CHFR: variants seen among roughly 807,000 people sequenced by gnomAD.
CHFR encodes the protein E3 ubiquitin-protein ligase CHFR.
In CHFR, 57 loss-of-function variants were observed where a neutral mutation model predicts 87.6. The observed-to-expected ratio is 0.65, with a 90% CI of 0.53 to 0.81. The LOEUF (loss-of-function observed/expected upper bound fraction) is 0.81. Among genes scored for constraint, CHFR ranks in the 30% least tolerant of loss-of-function variants. The pLI, the probability that CHFR is intolerant of heterozygous loss-of-function variation, is 0.00. For synonymous variants in CHFR, 381 were observed against 359.2 expected, an observed-to-expected ratio of 1.06 and a Z score of -0.69; for missense variants, 797 against 865.8, an observed-to-expected ratio of 0.92 and a Z score of 1.00.
chr12:132,884,865 T>C (rs1014382391), intron 2 of CHFR, among the ~76,000 whole-genome samples: 3 of 152,228 alleles, frequency 2.0e-5, no homozygotes, highest in Non-Finnish European at 2.9e-5. Context: ...GGCAGACAGA[T>C]TGCTGGAGCT....
At chr12:132,858,791 A>C (rs2136972401) in intron 8 of CHFR, among the ~76,000 whole-genome samples, 1 of 150,862 alleles carries the variant, frequency 6.6e-6, no homozygotes, top group East Asian at 1.9e-4. Context: ...AAAAAAAAAA[A>C]AAGTCAGCCA....
Position 132,839,928 on chromosome 12 carries a change from T to C in CHFR, c.*1626A>G, listed in dbSNP as rs74997048. ...CTGCACAAACTTGGGACCTCCCCCT[T>C]AGCCTCGCCCCTGCACTAACTCGGG... is the stretch of plus-strand genomic sequence containing the variant. On this transcript the variant is annotated 3_prime_UTR_variant, in exon 18 of 18. Coordinates refer to ENST00000450056, the MANE Select transcript of CHFR (RefSeq NM_001161346.2). The C allele has an allele frequency of 0.094, 1,367 of 14,564 alleles. 11 individuals are homozygous for C. Among genetic ancestry groups the C allele is most frequent in the Admixed American group, 0.13 (152 of 1,140 alleles). The allele number at this position is 14,564 out of a possible 1,614,324, so 0.9% of individuals were successfully genotyped here.
intron 15 of CHFR, among the ~76,000 whole-genome samples, chr12:132,846,549 C>T (rs1353156740): frequency 3.6e-5 from 4 of 110,234 alleles, no homozygotes; most frequent in Non-Finnish European, 6.7e-5. Flanking sequence ...GGATTACAGG[C>T]GTGAGCCACC....
chr12:132,881,380 T>C (rs769166050), intron 2 of CHFR, among the ~76,000 whole-genome samples: 6 of 152,318 alleles, frequency 3.9e-5, no homozygotes, highest in Non-Finnish European at 5.9e-5. Context: ...GTATCCAGAA[T>C]GTATAGAGAA....
At chr12:132,883,451 C>T (rs755177767) in intron 2 of CHFR, among the ~76,000 whole-genome samples, 4 of 142,406 alleles carry the variant, frequency 2.8e-5, no homozygotes, top group African/African-American at 7.5e-5. Flanking sequence ...AAAGACTGGG[C>T]GCAGTGGCTC....
chr12:132,841,490 C>T lies in CHFR; in HGVS notation c.*64G>A. 1 of 1,414,274 alleles carries T rather than the reference C, an allele frequency of 7.1e-7. No homozygotes were observed. The highest frequency in any genetic ancestry group is 1.0e-6 in the Non-Finnish European group (1 of 998,196). 87.6% of individuals were successfully genotyped at this position (1,414,274 alleles called of 1,614,324 possible). The stretch of plus-strand genomic sequence containing the variant: ...TGAAAACACCTTGACGTGCTTGTCT[C>T]TGTATTTTAAAAACACGCTCTCTTC... On this transcript the variant is annotated 3_prime_UTR_variant, in exon 18 of 18. Coordinates refer to ENST00000450056, the MANE Select transcript of CHFR (RefSeq NM_001161346.2).
At chr12:132,847,570 C>A (rs1950856399) in intron 14 of CHFR, 1 of 1,062,468 alleles carries the variant, frequency 9.4e-7, no homozygotes, top group Non-Finnish European at 1.1e-6. Flanking sequence ...TGAGCGGGCG[C>A]CTGCCAGGTG....
chr12:132,839,497 G>A lies in CHFR; in HGVS notation c.*2057C>T, dbSNP rs1478755130. 5 of 104,636 alleles carry A rather than the reference G, an allele frequency of 4.8e-5. No individual in the cohort carries two copies. Among genetic ancestry groups the A allele is most frequent in the East Asian group, 3.0e-4 (1 of 3,364 alleles). The allele number at this position is 104,636 out of a possible 1,614,324, so 6.5% of individuals were successfully genotyped here. The stretch of plus-strand genomic sequence containing the variant: ...ACTAAGGACCTCCCCTCTCAGCCTC[G>A]CCTCTGCACAAACTCAGGACCTCCC... On this transcript the variant is annotated 3_prime_UTR_variant, in exon 18 of 18. Transcript: ENST00000450056.
chr12:132,853,349 C>T (rs993756830), intron 11 of CHFR, 82 bp downstream of exon 11: 11 of 1,350,944 alleles, frequency 8.1e-6, no homozygotes, highest in South Asian at 1.7e-5. Context: ...GCGGGCAGAG[C>T]GCGGCCACGT....
At chr12:132,844,475 T>A (rs143077874) in intron 15 of CHFR, among the ~76,000 whole-genome samples, 1 of 123,542 alleles carries the variant, frequency 8.1e-6, no homozygotes, top group Admixed American at 7.9e-5. Flanking sequence ...TAGTAGAGAC[T>A]GGGTTTCACC....
rs780623191 is a variant in CHFR at position 132,857,490 on chromosome 12, A to C, written c.981T>G (p.Cys327Trp). ...YSGWMERSSLCPTCRCPVERI... is the reference protein window; with the variant it reads ...YSGWMERSSLWPTCRCPVERI... ...GCTCCACGGGACAGCGGCAGGTAGG[A>C]CACAGGGACGAGCGCTCCATCCAGC... Residue 327 changes from cysteine (C) to tryptophan (W), a missense_variant, in exon 9 of 18, where the codon TGT becomes TGG. Coordinates refer to ENST00000450056, the MANE Select transcript of CHFR (RefSeq NM_001161346.2). The C allele has an allele frequency of 2.5e-6, 4 of 1,614,068 alleles. No homozygotes were observed. Among genetic ancestry groups the C allele is most frequent in the Non-Finnish European group, 2.5e-6 (3 of 1,180,028 alleles).
Position 132,872,453 on chromosome 12 carries a change from T to G in CHFR, c.234-59A>C, listed in dbSNP as rs562728877. ...TAAAATAACTTGGAGTTACAAGATT[T>G]TTTTTCTAGCACCATTAGCAAGCAG... On this transcript the variant is annotated intron_variant, in intron 3 of 17. Transcript: ENST00000450056. The G allele has an allele frequency of 4.6e-6, 6 of 1,304,006 alleles. No individual in the cohort carries two copies. In the Admixed American group the frequency reaches 1.0e-4, roughly 23 times the overall value. 80.8% of individuals were successfully genotyped at this position (1,304,006 alleles called of 1,614,324 possible).
intron 10 of CHFR, among the ~76,000 whole-genome samples, chr12:132,856,231 GCTGGCTACCCC>G (rs1316699715): frequency 1.3e-5 from 2 of 152,196 alleles, no homozygotes; most frequent in Non-Finnish European, 2.9e-5. Flanking sequence ...CTGACGCTCT[GCTGGCTACCCC>G]CTGGCTACCC....
At position 132,838,796 on chromosome 12, in the gene CHFR, A is replaced by G. The variant is rs1950667641; in HGVS notation, c.*2758T>C. On this transcript the variant is annotated 3_prime_UTR_variant, in exon 18 of 18. Transcript: ENST00000450056. ...CGAGGAAGTACAGAAGCTCATGAAA[A>G]GACGGAATGAGTTCACGGCCACCTG... The G allele has an allele frequency of 6.6e-6, 1 of 152,256 alleles. No individual in the cohort carries two copies. The highest frequency in any genetic ancestry group is 6.5e-5 in the Admixed American group (1 of 15,282). The allele number at this position is 152,256 out of a possible 1,614,324, so 9.4% of individuals were successfully genotyped here. A position where few individuals can be genotyped will look rare whatever the true frequency, so the allele number is the denominator to read the frequency against.
chr12:132,881,521 TG>T (rs1418092179), intron 2 of CHFR, among the ~76,000 whole-genome samples: 1 of 151,910 alleles, frequency 6.6e-6, no homozygotes, highest in African/African-American at 2.4e-5. Flanking sequence ...TTCAGAGAAA[TG>T]CAAATTAAAA....
In CHFR at chr12:132,841,576, T is replaced by C. The variant is rs1950704692; in HGVS notation, c.1937A>G (p.Glu646Gly). The C allele has an allele frequency of 6.2e-7, 1 of 1,613,958 alleles. No homozygotes were observed. Among genetic ancestry groups the C allele is most frequent in the Non-Finnish European group, 8.5e-7 (1 of 1,179,864 alleles). Residue 646 changes from glutamate (E) to glycine (G), a missense_variant, in exon 18 of 18, where the codon GAA becomes GGA. Around this residue, in one of 2 missense-constraint regions of CHFR, gnomAD observed 200 missense variants for 264.6 expected, o/e 0.76. Coordinates refer to ENST00000450056, the MANE Select transcript of CHFR (RefSeq NM_001161346.2). Reference sequence around the variant, plus strand: ...TGCTTAGTTTTTGAACCTTGTCTGTTCACAGATATGATTGAATTTCCTGCA... The same window carrying C: ...TGCTTAGTTTTTGAACCTTGTCTGTCCACAGATATGATTGAATTTCCTGCA... ...HHAMKFNHICEQTRFKN is the reference protein window; with the variant it reads ...HHAMKFNHICGQTRFKN
At position 132,856,503 on chromosome 12, in the gene CHFR, C is replaced by T. The variant is rs748314312; in HGVS notation, c.1194G>A (p.Glu398=). ...AGGACTCACTGTCAACGTCTGACAG[C>T]TCCAGCAGGTCCTCTGAACTCCCTT... is the stretch of plus-strand genomic sequence containing the variant. ...DEEGSSEDLL[E]LSDVDSESSD... is the part of the protein sequence containing the mutation. The change falls in exon 10 of 18, where the codon GAG becomes GAA. Residue 398 remains glutamate (E), a synonymous_variant. Coordinates refer to ENST00000450056, the MANE Select transcript of CHFR (RefSeq NM_001161346.2). 6.2e-7 allele frequency: 1 copy of T among 1,614,214 alleles called. No individual in the cohort carries two copies. The highest frequency in any genetic ancestry group is 1.1e-5 in the South Asian group (1 of 91,090).
At position 132,851,659 on chromosome 12, in the gene CHFR, C is replaced by A. The variant is rs751440176; in HGVS notation, c.1451G>T (p.Arg484Ile). 10 of 1,613,038 alleles carry A rather than the reference C, an allele frequency of 6.2e-6. No individual in the cohort carries two copies. Among genetic ancestry groups the A allele is most frequent in the Non-Finnish European group, 6.8e-6 (8 of 1,179,914 alleles). The change falls in exon 12 of 18, where the codon AGA becomes ATA. Residue 484 changes from arginine to isoleucine, a missense_variant. Arg to Ile is a moderately conservative substitution (Grantham distance 97, BLOSUM62 -3). Around this residue, in one of 2 missense-constraint regions of CHFR, gnomAD observed 200 missense variants for 264.6 expected, o/e 0.76. Coordinates refer to ENST00000450056, the MANE Select transcript of CHFR (RefSeq NM_001161346.2). ...TCCFQPMPDR[R>I]AEREQDPRVA... Reference sequence around the variant, plus strand: ...ACGCGGGTCCTGCTCGCGCTCCGCTCTCCGGTCGGGCATGGGCTGGAAGCA... The same window carrying A: ...ACGCGGGTCCTGCTCGCGCTCCGCTATCCGGTCGGGCATGGGCTGGAAGCA...
intron 2 of CHFR, among the ~76,000 whole-genome samples, chr12:132,884,563 G>A (rs1951844847): frequency 6.6e-6 from 1 of 152,116 alleles, no homozygotes; most frequent in Non-Finnish European, 1.5e-5. Flanking sequence ...GACTGTATTT[G>A]GAAATGGGGC....
Sources: allele counts gnomAD v4.1 joint callset (sites outside exome capture counted in the v4.1 genomes callset), GRCh38; gene constraint gnomAD v4.1.1; regional missense constraint gnomAD v4.1.1; transcripts MANE v1.5; gene names NCBI Gene and HGNC (gene_info 2026-07-23, HGNC 2026-07-21).